The following PRKCA variants were observed in gnomAD, a reference collection of about 807,000 sequenced individuals.
PRKCA encodes protein kinase C alpha.
A neutral mutation model predicts 87.0 loss-of-function variants in PRKCA; 27 were observed. The ratio of observed to expected loss-of-function variants is 0.31; its 90% CI spans 0.23 to 0.43. PRKCA has a LOEUF of 0.43. Ranked by LOEUF, PRKCA falls within the 20% of genes least tolerant of loss-of-function variation. PRKCA has a pLI of 1.00. For synonymous variants in PRKCA, 329 were observed against 311.1 expected (o/e 1.06, Z -0.61); for missense variants, 518 against 852.3 (o/e 0.61, Z 4.88).
intron 2 of PRKCA, among the ~76,000 whole-genome samples, chr17:66,338,101 T>C (rs566299898): frequency 1.3e-5 from 2 of 151,688 alleles, no homozygotes; most frequent in African/African-American, 4.8e-5. Flanking sequence ...TCTTGCTGAA[T>C]GATTTCCTAA....
chr17:66,373,827 A>T (rs537402541), intron 2 of PRKCA, among the ~76,000 whole-genome samples: 1 of 152,320 alleles, frequency 6.6e-6, no homozygotes, highest in South Asian at 2.1e-4. Context: ...TAACATCTTC[A>T]GTATTCAAGG....
chr17:66,456,607 A>T (rs772328298), intron 2 of PRKCA, among the ~76,000 whole-genome samples: 2 of 152,162 alleles, frequency 1.3e-5, no homozygotes, highest in Non-Finnish European at 2.9e-5. Context: ...CTGGCTTCCA[A>T]CCACAGGTTC....
intron 2 of PRKCA, among the ~76,000 whole-genome samples, chr17:66,418,556 C>T (rs1912300368): frequency 2.0e-5 from 3 of 151,852 alleles, no homozygotes; most frequent in Admixed American, 1.3e-4. Flanking sequence ...CTGCCTCAGC[C>T]TCCTAAGTAG....
At chr17:66,351,692 T>C (rs1459970203) in intron 2 of PRKCA, among the ~76,000 whole-genome samples, 1 of 152,220 alleles carries the variant, frequency 6.6e-6, no homozygotes, top group Non-Finnish European at 1.5e-5. Flanking sequence ...GACTATATCT[T>C]ATTGGTTACA....
intron 13 of PRKCA, among the ~76,000 whole-genome samples, chr17:66,756,817 A>G (rs1341701183): frequency 1.3e-5 from 2 of 152,046 alleles, no homozygotes; most frequent in Non-Finnish European, 2.9e-5. Flanking sequence ...ATGAGCCACC[A>G]TGCCCAGCTA....
At chr17:66,390,896 T>A (rs2143636167) in intron 2 of PRKCA, among the ~76,000 whole-genome samples, 1 of 124,876 alleles carries the variant, frequency 8.0e-6, no homozygotes, top group East Asian at 2.4e-4. Context: ...GCTGGGGCCA[T>A]CAGCATGCGA....
At chr17:66,351,031 C>T (rs535088601) in intron 2 of PRKCA, among the ~76,000 whole-genome samples, 1 of 152,348 alleles carries the variant, frequency 6.6e-6, no homozygotes, top group South Asian at 2.1e-4. Context: ...GTGCCAGTTT[C>T]CTCTGTCTTA....
rs62621679 is a variant in PRKCA, at chr17:66,778,240, C to A, written c.1605+4173C>A. The A allele has an allele frequency of 1.4e-5, 14 of 980,918 alleles. No homozygotes were observed. In the South Asian group the frequency reaches 3.8e-4, roughly 26 times the overall value. The allele number at this position is 980,918 out of a possible 1,614,324, so 60.8% of individuals were successfully genotyped here. ...CTATTAAAAACGGTGATGGCTGGGC[C>A]CGGTGGCTCACACCTGTAATCCCAG... On this transcript the variant is annotated intron_variant, in intron 14 of 16. Coordinates refer to ENST00000413366, the MANE Select transcript of PRKCA (RefSeq NM_002737.3).
At chr17:66,350,521 TA>T (rs1350596425) in intron 2 of PRKCA, among the ~76,000 whole-genome samples, 3 of 152,110 alleles carry the variant, frequency 2.0e-5, no homozygotes, top group Non-Finnish European at 4.4e-5. Context: ...CCAGTTTTAT[TA>T]TTTTTTTTAA....
chr17:66,706,637 CAA>C (rs200189418), intron 8 of PRKCA, among the ~76,000 whole-genome samples: 6 of 104,254 alleles, frequency 5.8e-5, no homozygotes, highest in Admixed American at 3.0e-4. Flanking sequence ...GGCTCTGTCT[CAA>C]AAAAAAAAAA....
At chr17:66,778,856 A>AG (rs1397411072) in intron 14 of PRKCA, among the ~76,000 whole-genome samples, 1 of 151,922 alleles carries the variant, frequency 6.6e-6, no homozygotes, top group African/African-American at 2.4e-5. Context: ...AAAAAAAAAA[A>AG]AAAAAACAAC....
intron 2 of PRKCA, among the ~76,000 whole-genome samples, chr17:66,392,037 T>C (rs1477872277): frequency 6.6e-6 from 1 of 152,162 alleles, no homozygotes; most frequent in Non-Finnish European, 1.5e-5. Context: ...GAGACCATCC[T>C]GGCTGACACG....
chr17:66,384,111 A>G (rs939523914), intron 2 of PRKCA, among the ~76,000 whole-genome samples: 17 of 152,174 alleles, frequency 1.1e-4, no homozygotes. Context: ...ATATATATAT[A>G]TGCTTGACAC....
intron 3 of PRKCA, among the ~76,000 whole-genome samples, chr17:66,517,493 C>A (rs1213296898): frequency 6.6e-6 from 1 of 152,162 alleles, no homozygotes; most frequent in African/African-American, 2.4e-5. Flanking sequence ...CAAAACCTAT[C>A]TTTCATCTCC....
intron 5 of PRKCA, among the ~76,000 whole-genome samples, chr17:66,664,565 C>T (rs1971992059): frequency 6.7e-6 from 1 of 148,650 alleles, no homozygotes; most frequent in South Asian, 2.2e-4. Context: ...TTGACATCAT[C>T]AAAGAAGAGA....
At chr17:66,791,428 C>T (rs1975531239) in intron 16 of PRKCA, among the ~76,000 whole-genome samples, 2 of 151,972 alleles carry the variant, frequency 1.3e-5, no homozygotes, top group African/African-American at 4.8e-5. Context: ...GGAAATGGAC[C>T]CACAGAGGGA....
intron 3 of PRKCA, among the ~76,000 whole-genome samples, chr17:66,628,534 A>G (rs181141567): frequency 2.7e-4 from 41 of 152,278 alleles, no homozygotes; most frequent in Admixed American, 2.0e-3. Flanking sequence ...AAATCCACCA[A>G]AATGTTAATG....
chr17:66,450,027 T>G (rs1038245463), intron 2 of PRKCA, among the ~76,000 whole-genome samples: 5 of 152,104 alleles, frequency 3.3e-5, no homozygotes, highest in Non-Finnish European at 5.9e-5. Context: ...TTTTGTTTTT[T>G]TTTTAAGCAT....
intron 8 of PRKCA, among the ~76,000 whole-genome samples, chr17:66,706,685 A>G (rs1406000212): frequency 6.6e-6 from 1 of 152,154 alleles, no homozygotes; most frequent in African/African-American, 2.4e-5. Context: ...GGTTGAAAAA[A>G]AGAAGGATAT....
Sources: allele counts gnomAD v4.1 joint callset (sites outside exome capture counted in the v4.1 genomes callset), GRCh38; gene constraint gnomAD v4.1.1; transcripts MANE v1.5; gene names NCBI Gene and HGNC (gene_info 2026-07-23, HGNC 2026-07-21).